ABCA13: variants seen among roughly 807,000 people sequenced by gnomAD.
ABCA13 encodes ATP binding cassette subfamily A member 13.
In ABCA13, 476 loss-of-function variants were observed where a neutral mutation model predicts 478.7. The observed-to-expected ratio is 0.99, with a 90% CI of 0.92 to 1.07. ABCA13 has a LOEUF of 1.07. Among genes scored for constraint, ABCA13 ranks in the 50% least tolerant of loss-of-function variants. The probability of loss-of-function intolerance (pLI) is 0.00; values close to 1 mark genes in which losing one functional copy is unlikely to be tolerated. For synonymous variants in ABCA13, 2,252 were observed against 2,158.9 expected, an observed-to-expected ratio of 1.04 and a Z score of -1.20; for missense variants, 6,060 against 5,910.6, an observed-to-expected ratio of 1.03 and a Z score of -0.83.
intron 48 of ABCA13, among the ~76,000 whole-genome samples, chr7:48,498,111 C>T (rs1277220780): frequency 1.3e-5 from 2 of 152,076 alleles, no homozygotes; most frequent in Non-Finnish European, 2.9e-5. Flanking sequence ...TCTCAACTTG[C>T]CTCAGGACCC....
intron 58 of ABCA13, among the ~76,000 whole-genome samples, chr7:48,600,710 G>A (rs1790801027): frequency 6.6e-6 from 1 of 151,350 alleles, no homozygotes; most frequent in Non-Finnish European, 1.5e-5. Context: ...CATATATATT[G>A]CATTTTATAT....
intron 53 of ABCA13, among the ~76,000 whole-genome samples, chr7:48,521,697 G>C (rs1025768460): frequency 6.6e-6 from 1 of 152,098 alleles, no homozygotes; most frequent in Non-Finnish European, 1.5e-5. Context: ...TTTCTTTAAA[G>C]AGAAAAATCT....
At chr7:48,581,800 A>T (rs1171374119) in intron 56 of ABCA13, among the ~76,000 whole-genome samples, 2 of 152,150 alleles carry the variant, frequency 1.3e-5, no homozygotes, top group East Asian at 3.9e-4. Context: ...CAGTATTGCT[A>T]CTTGCTCTTG....
chr7:48,560,692 T>C (rs1786365739), intron 55 of ABCA13, among the ~76,000 whole-genome samples: 1 of 152,176 alleles, frequency 6.6e-6, no homozygotes, highest in African/African-American at 2.4e-5. Context: ...TATTTTAACT[T>C]TTGTGTGATA....
chr7:48,513,518 T>C (rs919219655), intron 51 of ABCA13, among the ~76,000 whole-genome samples: 30 of 152,116 alleles, frequency 2.0e-4, no homozygotes, highest in African/African-American at 7.2e-4. Context: ...ATTTGATGTA[T>C]ATTTACCGCT....
chr7:48,185,125 T>A (rs1796194714), intron 1 of ABCA13, among the ~76,000 whole-genome samples: 1 of 152,146 alleles, frequency 6.6e-6, no homozygotes, highest in African/African-American at 2.4e-5. Context: ...CCCTGCCTCC[T>A]CTATCTCCAC....
intron 42 of ABCA13, among the ~76,000 whole-genome samples, chr7:48,451,002 C>CT (rs368732073): frequency 1.8e-3 from 202 of 114,104 alleles, no homozygotes; most frequent in South Asian, 3.6e-3. Context: ...TTTTCTTTTT[C>CT]TTTTTTTTTT....
chr7:48,207,501 A>G (rs1470608807), intron 3 of ABCA13, among the ~76,000 whole-genome samples: 3 of 152,046 alleles, frequency 2.0e-5, no homozygotes, highest in Non-Finnish European at 4.4e-5. Context: ...TTTAACTGGG[A>G]TGAGATCATA....
intron 31 of ABCA13, among the ~76,000 whole-genome samples, chr7:48,355,087 C>T (rs988403123): frequency 2.0e-5 from 3 of 146,460 alleles, no homozygotes; most frequent in African/African-American, 5.0e-5. Context: ...TCTTGTGAGA[C>T]TTCCAGTCCA....
intron 35 of ABCA13, among the ~76,000 whole-genome samples, chr7:48,382,230 A>G (rs1272315441): frequency 6.6e-6 from 1 of 152,102 alleles, no homozygotes; most frequent in Non-Finnish European, 1.5e-5. Context: ...CCCCGACCCC[A>G]GCACCTCACC....
chr7:48,461,406 T>C (rs1826230309), intron 43 of ABCA13, among the ~76,000 whole-genome samples: 1 of 152,212 alleles, frequency 6.6e-6, no homozygotes, highest in South Asian at 2.1e-4. Flanking sequence ...CTCTCAGTCA[T>C]GGCACAGAAG....
chr7:48,478,686 G>T lies in ABCA13; in HGVS notation c.12976-2350G>T, dbSNP rs116674002. On this transcript the variant is annotated intron_variant, in intron 45 of 61. Coordinates refer to ENST00000435803, the MANE Select transcript of ABCA13 (RefSeq NM_152701.5). ...CTTGGAACAGACACTCTCTGTTTAG[G>T]TATGGTTACATTCTTGGTCTTACAG... 9.7e-3 allele frequency among the ~76,000 whole-genome samples: 1,478 copies of T among 152,206 alleles called. 30 individuals carry two copies. Among genetic ancestry groups the T allele is most frequent in the African/African-American group, 0.033 (1,379 of 41,524 alleles).
At position 48,241,038 on chromosome 7, in the gene ABCA13, C is replaced by T. The variant is rs781310287; in HGVS notation, c.1234C>T (p.Pro412Ser). 6.2e-7 allele frequency: 1 copy of T among 1,613,862 alleles called. No homozygotes were observed. Among genetic ancestry groups the T allele is most frequent in the Non-Finnish European group, 8.5e-7 (1 of 1,179,860 alleles). ...GAATGACAGCTTGTCAGCAGATGGC[C>T]CAAAAGATAATCATACATTTCCAAA... is the stretch of plus-strand genomic sequence containing the variant. ...LLNDSLSADG[P>S]KDNHTFPKIL... The change falls in exon 10 of 62, where the codon CCA becomes TCA. Residue 412 changes from proline to serine, a missense_variant. By Grantham distance (74) the Pro-to-Ser change is moderately conservative. This residue lies in a region of ABCA13 where 4,423 missense variants were observed against 4,309.1 expected (regional missense o/e 1.03). Coordinates refer to ENST00000435803, the MANE Select transcript of ABCA13 (RefSeq NM_152701.5).
At position 48,392,274 on chromosome 7, in the gene ABCA13, A is replaced by G. The variant is rs946596104; in HGVS notation, c.11873+135A>G. 4 of 864,108 alleles carry G rather than the reference A, an allele frequency of 4.6e-6. No individual in the cohort carries two copies. The African/African-American group carries it at 5.1e-5, about 11-fold the overall frequency. The allele number at this position is 864,108 out of a possible 1,614,324, so 53.5% of individuals were successfully genotyped here. A position where few individuals can be genotyped will look rare whatever the true frequency, so the allele number is the denominator to read the frequency against. On this transcript the variant is annotated intron_variant, in intron 38 of 61. Coordinates refer to ENST00000435803, the MANE Select transcript of ABCA13 (RefSeq NM_152701.5). ...TGAAATAATTAGCAAATGGTTGTTA[A>G]CTATGGAATTATGACACAGCCACCA...
chr7:48,564,369 G>T (rs182256157), intron 55 of ABCA13, among the ~76,000 whole-genome samples: 42 of 151,582 alleles, frequency 2.8e-4, no homozygotes, highest in African/African-American at 9.0e-4. Flanking sequence ...TATGGCTACT[G>T]GTTATCAACA....
Position 48,219,637 on chromosome 7 carries a change from A to G in ABCA13, c.439+132A>G, listed in dbSNP as rs1275040036. The stretch of plus-strand genomic sequence containing the variant: ...GCTAAACTTTCATAGTGAGTCTTTG[A>G]TGGATGAGGCCAGCACCTGCAGACG... On this transcript the variant is annotated intron_variant, in intron 4 of 61. Coordinates refer to ENST00000435803, the MANE Select transcript of ABCA13 (RefSeq NM_152701.5). 27 of 1,211,504 alleles carry G rather than the reference A, an allele frequency of 2.2e-5. No individual in the cohort carries two copies. The Admixed American group carries it at 6.6e-4, about 30-fold the overall frequency. 75.0% of individuals were successfully genotyped at this position (1,211,504 alleles called of 1,614,324 possible). A position where few individuals can be genotyped will look rare whatever the true frequency, so the allele number is the denominator to read the frequency against.
At chr7:48,458,965 G>A (rs1420046353) in intron 43 of ABCA13, among the ~76,000 whole-genome samples, 3 of 152,208 alleles carry the variant, frequency 2.0e-5, no homozygotes, top group African/African-American at 7.2e-5. Flanking sequence ...GAGCATGTCT[G>A]TGTTGGTTTG....
At chr7:48,316,527 G>A (rs1802607664) in intron 26 of ABCA13, among the ~76,000 whole-genome samples, 3 of 152,270 alleles carry the variant, frequency 2.0e-5, no homozygotes, top group South Asian at 2.1e-4. Flanking sequence ...CTTATGAGTT[G>A]AGAGCTGCTG....
At chr7:48,580,132 G>T (rs537516174) in intron 55 of ABCA13, 92 bp from the exon 56 acceptor site, 2 of 1,311,204 alleles carry the variant, frequency 1.5e-6, no homozygotes, top group South Asian at 1.6e-5. Flanking sequence ...ATAAACTGCA[G>T]TGGACTTGTT....
Sources: gnomAD v4.1 joint callset for allele counts (sites outside exome capture counted in the v4.1 genomes callset) on GRCh38, gnomAD v4.1.1 for gene constraint, gnomAD v4.1.1 regional missense constraint, MANE v1.5 for transcripts, NCBI Gene and HGNC (gene_info 2026-07-23, HGNC 2026-07-21) for gene names.